ZSWIM6: variants seen among roughly 807,000 people sequenced by gnomAD.
ZSWIM6 encodes zinc finger SWIM-type containing 6.
A neutral mutation model predicts 113.2 loss-of-function variants in ZSWIM6; 9 were observed. The ratio of observed to expected loss-of-function variants is 0.08; its 90% confidence interval spans 0.05 to 0.14. ZSWIM6 has a LOEUF of 0.14. Among genes scored for constraint, ZSWIM6 ranks in the 10% least tolerant of loss-of-function variants. ZSWIM6 has a pLI of 1.00. For synonymous variants in ZSWIM6, 611 were observed against 606.5 expected, an observed-to-expected ratio of 1.01 and a Z score of -0.11; for missense variants, 1,162 against 1,552.2, an observed-to-expected ratio of 0.75 and a Z score of 4.22.
chr5:61,349,581 A>G (rs1335850637), intron 1 of ZSWIM6, among the ~76,000 whole-genome samples: 1 of 151,688 alleles, frequency 6.6e-6, no homozygotes, highest in African/African-American at 2.4e-5. Flanking sequence ...TTCTCCAAAT[A>G]CCGTGTAGGG....
chr5:61,482,361 G>C (rs899342221), intron 2 of ZSWIM6, among the ~76,000 whole-genome samples: 1 of 147,792 alleles, frequency 6.8e-6, no homozygotes, highest in African/African-American at 2.4e-5. Context: ...AGCGTGGGGG[G>C]TTAGGGGAGG....
chr5:61,339,000 T>C lies in ZSWIM6; in HGVS notation c.676+6052T>C, dbSNP rs551461716. 9.1e-4 allele frequency among the ~76,000 whole-genome samples: 138 copies of C among 152,282 alleles called. 1 individual carries two copies. In the South Asian group the frequency reaches 0.015, roughly 16 times the overall value. On this transcript the variant is annotated intron_variant, in intron 1 of 13. Coordinates refer to ENST00000252744, the MANE Select transcript of ZSWIM6 (RefSeq NM_020928.2). ...ATTTTTATCCTGGGCCTCTTTTTTT[T>C]CCACAAAAATGGATAATCAATTGCT... is the stretch of plus-strand genomic sequence containing the variant.
intron 1 of ZSWIM6, among the ~76,000 whole-genome samples, chr5:61,392,341 G>A (rs959313368): frequency 6.6e-6 from 1 of 152,082 alleles, no homozygotes; most frequent in African/African-American, 2.4e-5. Context: ...TGTTTGTGAT[G>A]AATATGCCTG....
chr5:61,516,521 A>T (rs1748945290), intron 4 of ZSWIM6, among the ~76,000 whole-genome samples: 1 of 142,070 alleles, frequency 7.0e-6, no homozygotes, highest in Admixed American at 7.0e-5. Context: ...TAACATGGCA[A>T]ATATATATAT....
chr5:61,394,322 G>A (rs1425085367), intron 1 of ZSWIM6, among the ~76,000 whole-genome samples: 1 of 152,192 alleles, frequency 6.6e-6, no homozygotes, highest in Admixed American at 6.5e-5. Context: ...CTGGGCATGT[G>A]CCCTGGGCTG....
chr5:61,542,207 A>G (rs1278401121), intron 13 of ZSWIM6, among the ~76,000 whole-genome samples: 1 of 152,248 alleles, frequency 6.6e-6, no homozygotes, highest in Admixed American at 6.5e-5. Context: ...AAAATGGTAT[A>G]AGTCAGTGAG....
chr5:61,537,869 G>A (rs1352759799), intron 10 of ZSWIM6, among the ~76,000 whole-genome samples: 1 of 152,190 alleles, frequency 6.6e-6, no homozygotes, highest in African/African-American at 2.4e-5. Context: ...ACTCTACTAA[G>A]CTTTTTGGTA....
At chr5:61,517,872 G>GTATACACA (rs1391992890) in intron 4 of ZSWIM6, among the ~76,000 whole-genome samples, 8 of 150,518 alleles carry the variant, frequency 5.3e-5, no homozygotes, top group Non-Finnish European at 1.0e-4. Context: ...GTATACATGT[G>GTATACACA]CCATGCTGGT....
chr5:61,505,494 A>G (rs993501033), intron 4 of ZSWIM6, among the ~76,000 whole-genome samples: 1 of 152,142 alleles, frequency 6.6e-6, no homozygotes, highest in African/African-American at 2.4e-5. Flanking sequence ...GACTGCACCA[A>G]CAAATCAAAT....
At chr5:61,355,488 ACACACACACT>A (rs1305398658) in intron 1 of ZSWIM6, among the ~76,000 whole-genome samples, 3 of 126,400 alleles carry the variant, frequency 2.4e-5, no homozygotes, top group African/African-American at 6.0e-5. Flanking sequence ...ACACACACAC[ACACACACACT>A]ATTAGATGGC....
chr5:61,450,093 C>T (rs575858006), intron 1 of ZSWIM6, among the ~76,000 whole-genome samples: 9 of 152,304 alleles, frequency 5.9e-5, no homozygotes, highest in Admixed American at 5.9e-4. Flanking sequence ...CACCTCTCAA[C>T]CTCTTCTTAG....
At chr5:61,426,601 C>T (rs934797286) in intron 1 of ZSWIM6, among the ~76,000 whole-genome samples, 1 of 152,054 alleles carries the variant, frequency 6.6e-6, no homozygotes, top group African/African-American at 2.4e-5. Flanking sequence ...TAATATTCTT[C>T]ATGGGATTTT....
At position 61,345,059 on chromosome 5, in the gene ZSWIM6, G is replaced by T. The variant is rs912876699; in HGVS notation, c.676+12111G>T. ...TCCAGCTCAATACTTTTCATTTTGC[G>T]GTGCCACCAAGAGGTGTGAAATTTG... On this transcript the variant is annotated intron_variant, in intron 1 of 13. Transcript: ENST00000252744. Among the ~76,000 whole-genome samples the T allele has an allele frequency of 2.3e-4, 35 of 151,948 alleles. 1 individual carries two copies. The highest frequency in any genetic ancestry group is 8.2e-4 in the African/African-American group (34 of 41,374).
At chr5:61,515,730 T>G (rs964444362) in intron 4 of ZSWIM6, among the ~76,000 whole-genome samples, 18 of 152,172 alleles carry the variant, frequency 1.2e-4, no homozygotes, top group African/African-American at 4.3e-4. Context: ...TGGCTACTTG[T>G]TCTGTTAGTT....
rs1436514875 is a variant in ZSWIM6 at position 61,332,800 on chromosome 5, C to T, written c.528C>T (p.Ala176=). 45 of 887,064 alleles carry T rather than the reference C, an allele frequency of 5.1e-5. No individual in the cohort carries two copies. Among genetic ancestry groups the T allele is most frequent in the South Asian group, 5.2e-5 (1 of 19,314 alleles). 54.9% of individuals were successfully genotyped at this position (887,064 alleles called of 1,614,324 possible). The change falls in exon 1 of 14, where the codon GCC becomes GCT. Residue 176 remains alanine, a synonymous_variant. Transcript: ENST00000252744. ...CGGCCGCCGCCGCCGCTGCCGCCGC[C>T]GCCGCCGCCGCCGCCGCCGCCGCGG... is the stretch of plus-strand genomic sequence containing the variant. ...ATSAAAAAAA[A]AAAAAAAAGA...
At position 61,472,959 on chromosome 5, in the gene ZSWIM6, C is replaced by T. The variant is rs1383059068; in HGVS notation, c.955C>T (p.His319Tyr). 7.8e-6 allele frequency: 12 copies of T among 1,544,784 alleles called. No homozygotes were observed. Among genetic ancestry groups the T allele is most frequent in the Non-Finnish European group, 1.0e-5 (12 of 1,143,512 alleles). ...KFVQYLITVH[H>Y]TEVLPTAQKL... ...TGTACAGTATTTGATCACAGTGCACCACACAGAAGTTTTGCCAACTGCTCA... is the reference window on the plus strand; with the variant it reads ...TGTACAGTATTTGATCACAGTGCACTACACAGAAGTTTTGCCAACTGCTCA... Residue 319 changes from histidine to tyrosine, a missense_variant, in exon 2 of 14, where the codon CAC becomes TAC. By Grantham distance (83) the His-to-Tyr change is moderately conservative. Around this residue, in one of 4 missense-constraint regions of ZSWIM6, gnomAD observed 96 missense variants for 240.3 expected, o/e 0.40. Coordinates refer to ENST00000252744, the MANE Select transcript of ZSWIM6 (RefSeq NM_020928.2). The surrounding 1 kb of genome is among the most constrained non-coding windows in gnomAD (Gnocchi z 4.1).
intron 1 of ZSWIM6, among the ~76,000 whole-genome samples, chr5:61,469,560 G>A (rs1000205563): frequency 1.3e-5 from 2 of 152,202 alleles, no homozygotes; most frequent in African/African-American, 4.8e-5. Flanking sequence ...TGTATAATAT[G>A]TGGGATCCCT....
chr5:61,467,438 TATC>T (rs1200785104), intron 1 of ZSWIM6, among the ~76,000 whole-genome samples: 4 of 152,218 alleles, frequency 2.6e-5, no homozygotes, highest in East Asian at 1.9e-4. Flanking sequence ...TGGAATGTGA[TATC>T]ATTACATTAC....
At chr5:61,434,727 T>G (rs569745282) in intron 1 of ZSWIM6, among the ~76,000 whole-genome samples, 2 of 152,308 alleles carry the variant, frequency 1.3e-5, no homozygotes, top group South Asian at 4.1e-4. Flanking sequence ...ATTTTTGCAA[T>G]TGCAAATGGT....
Sources: gnomAD v4.1 joint callset for allele counts (sites outside exome capture counted in the v4.1 genomes callset) on GRCh38, gnomAD v4.1.1 for gene constraint, gnomAD v4.1.1 regional missense constraint, Gnocchi (gnomAD v3.1) non-coding constraint, MANE v1.5 for transcripts, NCBI Gene and HGNC (gene_info 2026-07-23, HGNC 2026-07-21) for gene names.